Variants in CD276 observed in about 807,000 individuals in gnomAD.
CD276 encodes the protein CD276 antigen.
In CD276, 34 loss-of-function variants were observed where a neutral mutation model predicts 50.0. The observed-to-expected ratio is 0.68, with a 90% CI of 0.52 to 0.91. The LOEUF (loss-of-function observed/expected upper bound fraction) is 0.91, where lower values mean the gene tolerates loss of function less well. Among genes scored for constraint, CD276 ranks in the 40% least tolerant of loss-of-function variants. CD276 has a pLI of 0.00. For missense variants in CD276, 634 were observed against 717.5 expected (o/e 0.88, Z 1.33); for synonymous variants, 275 against 313.0 (o/e 0.88, Z 1.28).
In CD276 at chr15:73,710,465, C is replaced by G. The variant is rs11574494; in HGVS notation, c.1547-670C>G. Among the ~76,000 whole-genome samples the G allele has an allele frequency of 9.0e-3, 1,376 of 152,284 alleles. 28 individuals are homozygous for G. The highest frequency in any genetic ancestry group is 0.031 in the African/African-American group (1,286 of 41,558). ...TTGGGTGGGTGCCAAGGCACTGGTG[C>G]CCATGGCCGACTCCCAGGGGATCCT... On this transcript the variant is annotated intron_variant, in intron 8 of 9. Coordinates refer to ENST00000318443, the MANE Select transcript of CD276 (RefSeq NM_001024736.2).
rs1207775059 is a variant in CD276 at position 73,703,771 on chromosome 15, C to T, written c.846C>T (p.Asn282=). 5 of 1,613,576 alleles carry T rather than the reference C, an allele frequency of 3.1e-6. No individual in the cohort carries two copies. The highest frequency in any genetic ancestry group is 4.2e-6 in the Non-Finnish European group (5 of 1,180,044). ...PEPGFSLAQL[N]LIWQLTDTKQ... ...CTGGCTTCAGCCTGGCACAGCTCAA[C>T]CTCATCTGGCAGCTGACAGACACCA... The change falls in exon 5 of 10, where the codon AAC becomes AAT. Residue 282 remains asparagine (N), a synonymous_variant. Coordinates refer to ENST00000318443, the MANE Select transcript of CD276 (RefSeq NM_001024736.2).
upstream of CD276, chr15:73,683,999 GAAGA>G (rs144414408): frequency 0.03 from 4,640 of 152,614 alleles, 104 homozygotes; most frequent in Non-Finnish European, 0.043. Context: ...TGGTGTGGAG[GAAGA>G]ACCCAAGACT....
At position 73,713,497 on chromosome 15, in the gene CD276, C is replaced by T. The variant is rs1900996432; in HGVS notation, c.*541C>T. 3.4e-6 allele frequency: 1 copy of T among 294,234 alleles called. No individual in the cohort carries two copies. Among genetic ancestry groups the T allele is most frequent in the South Asian group, 2.7e-5 (1 of 37,384 alleles). 18.2% of individuals were successfully genotyped at this position (294,234 alleles called of 1,614,324 possible). A position where few individuals can be genotyped will look rare whatever the true frequency, so the allele number is the denominator to read the frequency against. On this transcript the variant is annotated 3_prime_UTR_variant, in exon 10 of 10. Transcript: ENST00000318443. ...TCAGACAGGGACAGTGCGGCCTCAACATCTCCTGGAGTCTAGAAGCTGTTT... is the reference window on the plus strand; with the variant it reads ...TCAGACAGGGACAGTGCGGCCTCAATATCTCCTGGAGTCTAGAAGCTGTTT...
At position 73,699,649 on chromosome 15, in the gene CD276, C is replaced by G. The variant is rs1363489468; in HGVS notation, c.10C>G (p.Arg4Gly). 2 of 1,613,656 alleles carry G rather than the reference C, an allele frequency of 1.2e-6. No individual in the cohort carries two copies. Among genetic ancestry groups the G allele is most frequent in the Non-Finnish European group, 1.7e-6 (2 of 1,179,850 alleles). The change falls in exon 2 of 10, where the codon CGG becomes GGG. Residue 4 changes from arginine (R) to glycine (G), a missense_variant. Physicochemically the swap from Arg to Gly is moderately radical, Grantham distance 125 (BLOSUM62 -2). Transcript: ENST00000318443. ...GCCGCCTCACAGGAAGATGCTGCGT[C>G]GGCGGGGCAGCCCTGGCATGGGTGT... is the stretch of plus-strand genomic sequence containing the variant. MLR[R>G]RGSPGMGVHV...
chr15:73,696,649 G>A (rs1900190128), intron 1 of CD276, among the ~76,000 whole-genome samples: 1 of 152,182 alleles, frequency 6.6e-6, no homozygotes, highest in Non-Finnish European at 1.5e-5. Flanking sequence ...GGGTAGGTCT[G>A]ATCAGGGGAG....
chr15:73,703,858 G>A lies in CD276; in HGVS notation c.933G>A (p.Thr311=), dbSNP rs751869245. Residue 311 remains threonine, a synonymous_variant, in exon 5 of 10, where the codon ACG becomes ACA. Transcript: ENST00000318443. Reference sequence around the variant, plus strand: ...AGGGCAGCGCCTATGCCAACCGCACGGCCCTCTTCCCGGACCTGCTGGCAC... The same window carrying A: ...AGGGCAGCGCCTATGCCAACCGCACAGCCCTCTTCCCGGACCTGCTGGCAC... ...RDQGSAYANR[T]ALFPDLLAQG... 1.5e-5 allele frequency: 24 copies of A among 1,613,518 alleles called. No homozygotes were observed. Among genetic ancestry groups the A allele is most frequent in the Middle Eastern group, 1.7e-4 (1 of 6,016 alleles).
chr15:73,691,641 TG>T (rs1298727163), intron 1 of CD276, among the ~76,000 whole-genome samples: 2 of 152,198 alleles, frequency 1.3e-5, no homozygotes, highest in Non-Finnish European at 2.9e-5. Context: ...CTGGGCTCCC[TG>T]CAGGAGTGCG....
At chr15:73,689,918 T>C (rs767394376) in intron 1 of CD276, among the ~76,000 whole-genome samples, 1 of 152,142 alleles carries the variant, frequency 6.6e-6, no homozygotes, top group Non-Finnish European at 1.5e-5. Flanking sequence ...GGCAAGTGAG[T>C]GACAGAGCCT....
chr15:73,705,386 G>T (rs1900609180), intron 6 of CD276, among the ~76,000 whole-genome samples: 1 of 152,040 alleles, frequency 6.6e-6, no homozygotes, highest in African/African-American at 2.4e-5. Flanking sequence ...ACTTATTCCT[G>T]TCCTCTCCCT....
At chr15:73,699,033 C>G (rs1900276084) in intron 1 of CD276, among the ~76,000 whole-genome samples, 1 of 152,246 alleles carries the variant, frequency 6.6e-6, no homozygotes, top group African/African-American at 2.4e-5. Flanking sequence ...TCTCAAAGCC[C>G]TGCTTGATCT....
intron 1 of CD276, among the ~76,000 whole-genome samples, chr15:73,694,709 T>C (rs368197329): frequency 1.8e-4 from 27 of 152,198 alleles, no homozygotes; most frequent in East Asian, 1.3e-3. Flanking sequence ...GAGGGCATGC[T>C]TCTCTCTTTC....
intron 1 of CD276, among the ~76,000 whole-genome samples, chr15:73,696,512 T>G (rs1013090061): frequency 2.0e-5 from 3 of 151,594 alleles, no homozygotes; most frequent in Admixed American, 6.6e-5. Context: ...AAACTGCTTC[T>G]CTCCAGGGCA....
chr15:73,700,389 G>C (rs1047570319), intron 2 of CD276, among the ~76,000 whole-genome samples: 3 of 152,162 alleles, frequency 2.0e-5, no homozygotes, highest in Non-Finnish European at 2.9e-5. Context: ...TCTCTGCTCT[G>C]AGACGGCTTC....
chr15:73,713,087 C>A lies in CD276; in HGVS notation c.*131C>A, dbSNP rs956406496. On this transcript the variant is annotated 3_prime_UTR_variant, in exon 10 of 10. Coordinates refer to ENST00000318443, the MANE Select transcript of CD276 (RefSeq NM_001024736.2). ...AGGTGGGCTCCTTCTCCAAAGGATG[C>A]GATACACAGACCACTGTGCAGCCTT... The A allele has an allele frequency of 1.9e-5, 14 of 736,380 alleles. No homozygotes were observed. The highest frequency in any genetic ancestry group is 2.8e-5 in the Admixed American group (1 of 35,292). The allele number at this position is 736,380 out of a possible 1,614,324, so 45.6% of individuals were successfully genotyped here.
At chr15:73,705,189 C>T (rs557365650) in intron 6 of CD276, among the ~76,000 whole-genome samples, 19 of 152,306 alleles carry the variant, frequency 1.2e-4, no homozygotes, top group Middle Eastern at 3.4e-3. Context: ...CAGTCTGGCT[C>T]TTCAGTATCT....
At chr15:73,694,938 G>T (rs999531394) in intron 1 of CD276, among the ~76,000 whole-genome samples, 6 of 152,172 alleles carry the variant, frequency 3.9e-5, no homozygotes. Context: ...AGTTACAAGG[G>T]TGCAGTGGGT....
Position 73,699,588 on chromosome 15 carries a change from A to AG in CD276, c.-48dup. 1.2e-6 allele frequency: 2 copies of AG among 1,602,720 alleles called. No homozygotes were observed. The highest frequency in any genetic ancestry group is 8.5e-7 in the Non-Finnish European group (1 of 1,175,824). ...GCCTTGCGTCCTCTTTCTCCCAGGC[A>AG]GGGGCAGCCTTCCACCACGGGGAGC... On this transcript the variant is annotated 5_prime_UTR_variant, in exon 2 of 10. Coordinates refer to ENST00000318443, the MANE Select transcript of CD276 (RefSeq NM_001024736.2).
At chr15:73,690,531 C>G (rs116940710) in intron 1 of CD276, 1 of 358,120 alleles carries the variant, frequency 2.8e-6, no homozygotes, top group Non-Finnish European at 5.6e-6. Context: ...TGGCATCTGG[C>G]GAGGGCCTTC....
chr15:73,685,453 TTGTGTG>T lies in CD276; in HGVS notation c.-55+1030_-55+1035del, dbSNP rs55859831. Among the ~76,000 whole-genome samples the T allele has an allele frequency of 5.4e-3, 715 of 131,902 alleles. 6 individuals are homozygous for T. The highest frequency in any genetic ancestry group is 0.016 in the African/African-American group (563 of 35,868). 86.5% of individuals were successfully genotyped at this position (131,902 alleles called of 152,430 possible). ...AAGCAAATAGTAAAGCAAAAAAGAT[TTGTGTG>T]TGTGTGTGTGTGTGTGTGTGTGTGT... On this transcript the variant is annotated intron_variant, in intron 1 of 9. Coordinates refer to ENST00000318443, the MANE Select transcript of CD276 (RefSeq NM_001024736.2).
Sources: allele counts gnomAD v4.1 joint callset (sites outside exome capture counted in the v4.1 genomes callset), GRCh38; gene constraint gnomAD v4.1.1; transcripts MANE v1.5; gene names NCBI Gene and HGNC (gene_info 2026-07-23, HGNC 2026-07-21).